The following PTPRD variants were observed in gnomAD, a reference collection of about 807,000 sequenced individuals.
The protein encoded by PTPRD is protein tyrosine phosphatase receptor type D, also known as receptor-type tyrosine-protein phosphatase delta.
Under a neutral mutation model 214.5 loss-of-function variants are expected in PTPRD, and 34 were observed. That is an observed-to-expected ratio of 0.16 (90% CI 0.12 to 0.21). The LOEUF is 0.21. PTPRD is among the 10% of genes least tolerant of loss of function. The pLI, the probability that PTPRD is intolerant of heterozygous loss-of-function variation, is 1.00. For missense variants in PTPRD, 2,545 were observed against 2,398.7 expected, an observed-to-expected ratio of 1.06 and a Z score of -1.27; for synonymous variants, 1,128 against 845.7, an observed-to-expected ratio of 1.33 and a Z score of -5.79.
chr9:9,558,111 A>T (rs1187852636), intron 8 of PTPRD, among the ~76,000 whole-genome samples: 3 of 152,030 alleles, frequency 2.0e-5, no homozygotes, highest in South Asian at 4.1e-4. Context: ...TGCAAGATGG[A>T]CAGCTTTGGC....
intron 42 of PTPRD, among the ~76,000 whole-genome samples, 181 bp downstream of exon 42, chr9:8,340,162 T>C (rs1013966494): frequency 6.6e-6 from 1 of 152,144 alleles, no homozygotes; most frequent in Non-Finnish European, 1.5e-5. Flanking sequence ...AACACATAAA[T>C]TTAAACACTT....
intron 12 of PTPRD, among the ~76,000 whole-genome samples, chr9:8,685,402 G>T (rs914208139): frequency 2.0e-5 from 3 of 152,120 alleles, no homozygotes; most frequent in African/African-American, 7.2e-5. Context: ...AAAACCAACA[G>T]ACGAGAGCTT....
chr9:10,057,645 C>T lies in PTPRD; in HGVS notation c.-544-23855G>A, dbSNP rs550462190. Among the ~76,000 whole-genome samples, 78 of 152,030 alleles carry T rather than the reference C, an allele frequency of 5.1e-4. No individual in the cohort carries two copies. The South Asian group carries it at 0.015, about 30-fold the overall frequency. Reference sequence around the variant, plus strand: ...GGATCACGAGGTCAGGAGTTACAGACCATCCTGACCAACATGGTGAAACCC... The same window carrying T: ...GGATCACGAGGTCAGGAGTTACAGATCATCCTGACCAACATGGTGAAACCC... On this transcript the variant is annotated intron_variant, in intron 3 of 45. Transcript: ENST00000381196.
At chr9:9,364,884 G>A (rs1280928638) in intron 9 of PTPRD, among the ~76,000 whole-genome samples, 1 of 150,704 alleles carries the variant, frequency 6.6e-6, no homozygotes, top group East Asian at 1.9e-4. Context: ...TAGGTAGAAG[G>A]CCCTTTCAAT....
intron 7 of PTPRD, among the ~76,000 whole-genome samples, chr9:9,732,728 G>T (rs960005880): frequency 6.6e-6 from 1 of 152,074 alleles, no homozygotes; most frequent in Non-Finnish European, 1.5e-5. Context: ...GAGATGGAAG[G>T]CTAACCCTCA....
Position 10,251,103 on chromosome 9 carries a change from A to G in PTPRD, c.-545+89860T>C, listed in dbSNP as rs187339775. ...TAGTATTGTCCATATAGCAATATCA[A>G]ATTACTTAAAATTAACAGAAAAACA... On this transcript the variant is annotated intron_variant, in intron 3 of 45. Transcript: ENST00000381196. Among the ~76,000 whole-genome samples, 611 of 152,212 alleles carry G rather than the reference A, an allele frequency of 4.0e-3. 8 individuals carry two copies. Among genetic ancestry groups the G allele is most frequent in the African/African-American group, 0.013 (558 of 41,560 alleles).
Position 8,449,747 on chromosome 9 carries a change from C to T in PTPRD, c.3966G>A (p.Arg1322=), listed in dbSNP as rs777253380. The change falls in exon 34 of 46, where the codon AGG becomes AGA. Residue 1322 remains arginine, a synonymous_variant. Coordinates refer to ENST00000381196, the MANE Select transcript of PTPRD (RefSeq NM_002839.4). ...SHHPTDPVEL[R]RLNFQTPGMA... is the part of the protein sequence containing the mutation. Reference sequence around the variant, plus strand: ...TACCCGGTGTTTGAAAGTTAAGGCGCCTCAGTTCTACAGGGTCTGTTGGGT... The same window carrying T: ...TACCCGGTGTTTGAAAGTTAAGGCGTCTCAGTTCTACAGGGTCTGTTGGGT... 2 of 1,613,954 alleles carry T rather than the reference C, an allele frequency of 1.2e-6. No homozygotes were observed. The highest frequency in any genetic ancestry group is 2.2e-5 in the South Asian group (2 of 91,056).
intron 2 of PTPRD, among the ~76,000 whole-genome samples, chr9:10,544,755 T>C (rs1021533224): frequency 1.3e-5 from 2 of 152,142 alleles, no homozygotes; most frequent in Non-Finnish European, 2.9e-5. Context: ...AGCTTGAAAA[T>C]AGGAATAGCC....
intron 2 of PTPRD, among the ~76,000 whole-genome samples, chr9:10,409,522 A>G (rs1162802071): frequency 6.6e-6 from 1 of 151,670 alleles, no homozygotes; most frequent in Non-Finnish European, 1.5e-5. Context: ...TTAAGGCTAA[A>G]CTCTTACTCA....
chr9:8,483,045 CT>C (rs939188222), intron 30 of PTPRD, among the ~76,000 whole-genome samples: 1 of 152,178 alleles, frequency 6.6e-6, no homozygotes, highest in Non-Finnish European at 1.5e-5. Flanking sequence ...AGGAATCCAT[CT>C]TTTTTTATTC....
intron 3 of PTPRD, among the ~76,000 whole-genome samples, chr9:10,255,939 G>A (rs1402958925): frequency 1.3e-5 from 2 of 152,144 alleles, no homozygotes; most frequent in Admixed American, 6.5e-5. Context: ...GGCGTGTTAG[G>A]AACCAGGTTG....
intron 6 of PTPRD, among the ~76,000 whole-genome samples, chr9:9,744,168 T>A (rs2154458259): frequency 6.6e-6 from 1 of 152,228 alleles, no homozygotes; most frequent in South Asian, 2.1e-4. Flanking sequence ...ACCTTCCAAA[T>A]GATCACACTT....
At chr9:10,290,513 A>C (rs1031850491) in intron 3 of PTPRD, among the ~76,000 whole-genome samples, 1 of 152,294 alleles carries the variant, frequency 6.6e-6, no homozygotes, top group East Asian at 1.9e-4. Flanking sequence ...CTTCTCTTTT[A>C]CTTTCCTCCA....
chr9:9,275,474 T>C (rs1411199417), intron 9 of PTPRD, among the ~76,000 whole-genome samples: 1 of 150,844 alleles, frequency 6.6e-6, no homozygotes, highest in African/African-American at 2.4e-5. Context: ...GGTGAAACTA[T>C]TTTCCTGATC....
intron 2 of PTPRD, among the ~76,000 whole-genome samples, chr9:10,476,710 G>C (rs1230887615): frequency 6.6e-6 from 1 of 152,092 alleles, no homozygotes. Flanking sequence ...AACAAAGCCA[G>C]AGACATCATG....
intron 14 of PTPRD, among the ~76,000 whole-genome samples, chr9:8,564,708 T>C (rs1418161290): frequency 1.3e-5 from 2 of 151,978 alleles, no homozygotes; most frequent in Non-Finnish European, 2.9e-5. Flanking sequence ...CTCAAAAAAA[T>C]TAAAAGTTGA....
chr9:8,731,023 G>C (rs1337262447), intron 12 of PTPRD, among the ~76,000 whole-genome samples: 1 of 152,156 alleles, frequency 6.6e-6, no homozygotes, highest in Non-Finnish European at 1.5e-5. Flanking sequence ...TTTTAAACTG[G>C]CAATGGCAAA....
intron 8 of PTPRD, among the ~76,000 whole-genome samples, chr9:9,475,281 A>G (rs1448067474): frequency 6.6e-6 from 1 of 152,216 alleles, no homozygotes; most frequent in Non-Finnish European, 1.5e-5. Context: ...TGACATGTAC[A>G]GCAACCATCC....
chr9:8,408,656 A>C (rs1310776672), intron 35 of PTPRD, among the ~76,000 whole-genome samples: 1 of 152,208 alleles, frequency 6.6e-6, no homozygotes, highest in Non-Finnish European at 1.5e-5. Context: ...CCAATCAAAA[A>C]GCCTCTTGAA....
Sources: gnomAD v4.1 joint callset for allele counts (sites outside exome capture counted in the v4.1 genomes callset) on GRCh38, gnomAD v4.1.1 for gene constraint, MANE v1.5 for transcripts, NCBI Gene and HGNC (gene_info 2026-07-23, HGNC 2026-07-21) for gene names.